Variants in TLCD4 observed in about 807,000 individuals in gnomAD.
TLCD4 encodes the protein TLC domain containing 4, also known as TLC domain-containing protein 4.
Under a neutral mutation model 24.2 loss-of-function variants are expected in TLCD4, and 7 were observed. The ratio of observed to expected loss-of-function variants is 0.29; its 90% CI spans 0.16 to 0.54. The LOEUF is 0.54. TLCD4 is among the 20% of genes least tolerant of loss of function. The probability of loss-of-function intolerance (pLI) is 0.95; values close to 1 mark genes in which losing one functional copy is unlikely to be tolerated. For missense variants in TLCD4, 259 were observed against 313.9 expected (o/e 0.82, Z 1.32); for synonymous variants, 103 against 106.4 (o/e 0.97, Z 0.20).
intron 5 of TLCD4, among the ~76,000 whole-genome samples, chr1:95,167,543 T>C (rs1414488750): frequency 6.6e-6 from 1 of 151,974 alleles, no homozygotes; most frequent in Non-Finnish European, 1.5e-5. Context: ...CTAAAACCCC[T>C]TGTGGCCTTT....
At chr1:95,119,548 G>T (rs1368981761) in intron 1 of TLCD4, among the ~76,000 whole-genome samples, 1 of 152,208 alleles carries the variant, frequency 6.6e-6, no homozygotes, top group Non-Finnish European at 1.5e-5. Flanking sequence ...GTTTCAAAAG[G>T]GAAGTGGCAC....
At chr1:95,101,204 G>A in the TLCD4 span, among the ~76,000 whole-genome samples, 1 of 152,048 alleles carries the variant, frequency 6.6e-6, no homozygotes, top group Non-Finnish European at 1.5e-5. Context: ...ACCGTGCCTG[G>A]CCTAGGTCTC....
chr1:95,163,930 A>T (rs1479777654), intron 5 of TLCD4: 1 of 152,458 alleles, frequency 6.6e-6, no homozygotes, highest in East Asian at 1.9e-4. Flanking sequence ...GGTGCCTACC[A>T]GTTAGGCTAC....
At chr1:95,154,849 G>C (rs1446788277) in intron 5 of TLCD4, among the ~76,000 whole-genome samples, 1 of 147,970 alleles carries the variant, frequency 6.8e-6, no homozygotes, top group Non-Finnish European at 1.5e-5. Flanking sequence ...GACTGACCCA[G>C]AGTCTCAAGC....
the TLCD4 span, among the ~76,000 whole-genome samples, chr1:95,100,112 A>G: frequency 2.0e-5 from 3 of 152,142 alleles, no homozygotes; most frequent in Admixed American, 1.3e-4. Context: ...CTCAAAAAAA[A>G]TATGTATATG....
chr1:95,168,421 G>T (rs1414904), intron 5 of TLCD4, among the ~76,000 whole-genome samples: 60,438 of 151,700 alleles, frequency 0.4, 13,392 homozygotes, highest in East Asian at 0.62. Context: ...AAATGTATCA[G>T]TGTTTGGAGA....
chr1:95,189,016 A>G (rs991456814), intron 6 of TLCD4, among the ~76,000 whole-genome samples: 6 of 152,306 alleles, frequency 3.9e-5, no homozygotes, highest in African/African-American at 1.2e-4. Context: ...TTATAGCTAT[A>G]TCAAGCTAAA....
chr1:95,161,948 G>A (rs1218747710), intron 5 of TLCD4, among the ~76,000 whole-genome samples: 5 of 152,162 alleles, frequency 3.3e-5, no homozygotes, highest in African/African-American at 4.8e-5. Flanking sequence ...GGAATAGTGC[G>A]ATGTGGTGCT....
chr1:95,126,057 T>C (rs993675936), intron 1 of TLCD4, among the ~76,000 whole-genome samples: 19 of 149,476 alleles, frequency 1.3e-4, no homozygotes, highest in African/African-American at 4.7e-4. Context: ...TTTGGGAGTC[T>C]GAGGCAGGAG....
At chr1:95,115,589 T>C (rs557060227), upstream of TLCD4, among the ~76,000 whole-genome samples, 29 of 152,334 alleles carry the variant, frequency 1.9e-4, no homozygotes, top group South Asian at 5.0e-3. Flanking sequence ...TATTAACTTA[T>C]ATGTTCTGTA....
At position 95,132,142 on chromosome 1, in the gene TLCD4, C is replaced by A. The variant is rs181946768; in HGVS notation, c.-11-11749C>A. Among the ~76,000 whole-genome samples the A allele has an allele frequency of 3.3e-5, 5 of 152,240 alleles. No homozygotes were observed. In the East Asian group the frequency reaches 9.7e-4, roughly 29 times the overall value. ...CTTGCAGAATTGTGAGCTAAATAAACCTATTTTTCCTTTATAAATTATACA... is the reference window on the plus strand; with the variant it reads ...CTTGCAGAATTGTGAGCTAAATAAAACTATTTTTCCTTTATAAATTATACA... On this transcript the variant is annotated intron_variant, in intron 1 of 6. Coordinates refer to ENST00000370203, the MANE Select transcript of TLCD4 (RefSeq NM_152487.3).
intron 6 of TLCD4, among the ~76,000 whole-genome samples, chr1:95,175,445 C>T (rs1451151666): frequency 6.6e-6 from 1 of 152,210 alleles, no homozygotes. Flanking sequence ...CGTCCATGGA[C>T]ATTGAGATTA....
intron 2 of TLCD4, among the ~76,000 whole-genome samples, chr1:95,147,631 G>T (rs1317525328): frequency 6.6e-6 from 1 of 152,108 alleles, no homozygotes; most frequent in Non-Finnish European, 1.5e-5. Context: ...GAAATTTTCT[G>T]ATACCAAACC....
intron 5 of TLCD4, among the ~76,000 whole-genome samples, chr1:95,165,880 A>G (rs1413539523): frequency 1.3e-5 from 2 of 152,166 alleles, no homozygotes; most frequent in African/African-American, 4.8e-5. Context: ...TGTTTGTTTT[A>G]TTTTTGTTTT....
intron 1 of TLCD4, among the ~76,000 whole-genome samples, chr1:95,122,221 A>T (rs1676589358): frequency 6.6e-6 from 1 of 152,282 alleles, no homozygotes; most frequent in South Asian, 2.1e-4. Flanking sequence ...TTAGCCACAC[A>T]TGGTGGCATG....
the TLCD4 span, among the ~76,000 whole-genome samples, chr1:95,105,285 G>T: frequency 2.6e-5 from 4 of 152,030 alleles, no homozygotes; most frequent in Non-Finnish European, 5.9e-5. Context: ...TTTAAGTCAG[G>T]GACTATCTGC....
chr1:95,122,416 G>A (rs111393617), intron 1 of TLCD4, among the ~76,000 whole-genome samples: 392 of 152,260 alleles, frequency 2.6e-3, no homozygotes, highest in African/African-American at 8.9e-3. Flanking sequence ...ACCCCAGCAC[G>A]TTGCTTAGTG....
intron 1 of TLCD4, among the ~76,000 whole-genome samples, chr1:95,119,636 C>G (rs1676516515): frequency 6.6e-6 from 1 of 152,164 alleles, no homozygotes; most frequent in African/African-American, 2.4e-5. Flanking sequence ...GTGTTTCTGG[C>G]TCCTCAGAGT....
At chr1:95,110,853 C>A in the TLCD4 span, among the ~76,000 whole-genome samples, 4 of 123,760 alleles carry the variant, frequency 3.2e-5, no homozygotes, top group Non-Finnish European at 3.2e-5. Flanking sequence ...AAGATTCTGT[C>A]TCAAAAGAAA....
Sources: gnomAD v4.1 joint callset for allele counts (sites outside exome capture counted in the v4.1 genomes callset) on GRCh38, gnomAD v4.1.1 for gene constraint, MANE v1.5 for transcripts, NCBI Gene and HGNC (gene_info 2026-07-23, HGNC 2026-07-21) for gene names.